Variants in SMARCA2 observed in about 807,000 individuals in gnomAD.
The protein encoded by SMARCA2 is SWI/SNF related BAF chromatin remodeling complex subunit ATPase 2, also known as SWI/SNF-related matrix-associated actin-dependent regulator of chromatin subfamily A member 2.
SMARCA2 carries 61 observed loss-of-function variants against 199.8 expected under a neutral mutation model. The observed-to-expected ratio is 0.31, with a 90% CI of 0.25 to 0.38. The LOEUF (loss-of-function observed/expected upper bound fraction) is 0.38, where lower values mean the gene tolerates loss of function less well. Ranked by LOEUF, SMARCA2 falls within the 10% of genes least tolerant of loss-of-function variation. The probability of loss-of-function intolerance (pLI) is 1.00; values close to 1 mark genes in which losing one functional copy is unlikely to be tolerated. For synonymous variants in SMARCA2, 935 were observed against 732.0 expected, an observed-to-expected ratio of 1.28 and a Z score of -4.48; for missense variants, 1,344 against 2,012.2, an observed-to-expected ratio of 0.67 and a Z score of 6.35.
chr9:2,128,520 C>G (rs1280993831), intron 27 of SMARCA2, among the ~76,000 whole-genome samples: 1 of 152,194 alleles, frequency 6.6e-6, no homozygotes, highest in Non-Finnish European at 1.5e-5. Context: ...GAAACTGGCC[C>G]CTTCCTCAGC....
chr9:2,023,476 T>C (rs1194646320), intron 1 of SMARCA2, among the ~76,000 whole-genome samples: 2 of 152,208 alleles, frequency 1.3e-5, no homozygotes, highest in Non-Finnish European at 2.9e-5. Flanking sequence ...CCAAGAATGC[T>C]GAAGAAATGT....
chr9:2,087,134 G>C (rs1586690899), intron 18 of SMARCA2, 63 bp downstream of exon 18: 1 of 1,595,018 alleles, frequency 6.3e-7, no homozygotes, highest in African/African-American at 1.3e-5. Context: ...AGGCCCTAAA[G>C]CTGAGAACAT....
At chr9:2,034,721 A>T (rs956413659) in intron 3 of SMARCA2, among the ~76,000 whole-genome samples, 3 of 152,198 alleles carry the variant, frequency 2.0e-5, no homozygotes, top group Non-Finnish European at 2.9e-5. Flanking sequence ...TGAAATATAA[A>T]TAGGCAAGTC....
chr9:2,047,474 C>T lies in SMARCA2; in HGVS notation c.1036C>T (p.Arg346Trp). ...GGACCCCGTGGAAATTCTGCAAGAG[C>T]GGGAATACAGGTAACGCACCCCGCC... ...GLDPVEILQE[R>W]EYRLQARIAH... The change falls in exon 5 of 34, where the codon CGG (arginine) becomes TGG (tryptophan). Residue 346 changes from arginine to tryptophan, a missense_variant. Arg to Trp is a moderately radical substitution (Grantham distance 101). Transcript: ENST00000349721. 1 of 1,523,134 alleles carries T rather than the reference C, an allele frequency of 6.6e-7. No homozygotes were observed. Among genetic ancestry groups the T allele is most frequent in the Admixed American group, 2.2e-5 (1 of 46,366 alleles). The allele number at this position is 1,523,134 out of a possible 1,614,324, so 94.4% of individuals were successfully genotyped here.
At chr9:2,174,873 C>T (rs949343824) in intron 29 of SMARCA2, among the ~76,000 whole-genome samples, 16 of 135,558 alleles carry the variant, frequency 1.2e-4, no homozygotes, top group East Asian at 4.4e-4. Flanking sequence ...TGCAGTGAGC[C>T]CTGATCGTGC....
chr9:2,187,423 G>A (rs1356670713), intron 32 of SMARCA2, among the ~76,000 whole-genome samples: 1 of 152,086 alleles, frequency 6.6e-6, no homozygotes, highest in African/African-American at 2.4e-5. Flanking sequence ...TATAATCCGA[G>A]CACTCTGGGA....
rs1367486879 is a variant in SMARCA2 at position 2,073,350 on chromosome 9, A to G, written c.1877+8A>G. On this transcript the variant is annotated splice_region_variant and intron_variant, in intron 11 of 33. Transcript: ENST00000349721. ...GCTGGAAATGAATCCTGGGTAAGGCATGAAAGCAGCGTTCATGGTGTTCTT... is the reference window on the plus strand; with the variant it reads ...GCTGGAAATGAATCCTGGGTAAGGCGTGAAAGCAGCGTTCATGGTGTTCTT... 34 of 1,614,036 alleles carry G rather than the reference A, an allele frequency of 2.1e-5. No homozygotes were observed. Among genetic ancestry groups the G allele is most frequent in the Non-Finnish European group, 2.8e-5 (33 of 1,180,022 alleles).
At chr9:2,130,826 C>G (rs897341611) in intron 27 of SMARCA2, among the ~76,000 whole-genome samples, 1 of 152,152 alleles carries the variant, frequency 6.6e-6, no homozygotes, top group Non-Finnish European at 1.5e-5. Flanking sequence ...AGCAGGCATT[C>G]CATCTACCTA....
At chr9:2,080,599 C>A (rs116338761) in intron 14 of SMARCA2, among the ~76,000 whole-genome samples, 8 of 152,288 alleles carry the variant, frequency 5.3e-5, no homozygotes, top group African/African-American at 1.4e-4. Context: ...CCCCTCTTTC[C>A]CTCTATCTTT....
intron 1 of SMARCA2, among the ~76,000 whole-genome samples, chr9:2,021,670 A>G (rs1157681292): frequency 2.0e-5 from 3 of 152,242 alleles, no homozygotes; most frequent in African/African-American, 7.2e-5. Context: ...ATACTAAAAG[A>G]CCATTAAGCA....
rs1820569810 is a variant in SMARCA2, at chr9:2,061,051, G to C, written c.1692+65G>C. The C allele has an allele frequency of 6.1e-6, 9 of 1,467,504 alleles. 1 individual carries two copies. The East Asian group carries it at 2.1e-4, about 34-fold the overall frequency. 90.9% of individuals were successfully genotyped at this position (1,467,504 alleles called of 1,614,324 possible). ...GGGCAGGGATAAGTTTTTAAGGCGA[G>C]TATTGCTCTTTAAGTACTACTTCTT... On this transcript the variant is annotated intron_variant, in intron 9 of 33. Coordinates refer to ENST00000349721, the MANE Select transcript of SMARCA2 (RefSeq NM_003070.5).
chr9:2,110,398 G>A lies in SMARCA2; in HGVS notation c.3437G>A (p.Ser1146Asn). Residue 1146 changes from serine to asparagine, a missense_variant, in exon 24 of 34, where the codon AGC becomes AAC. Physicochemically the swap from Ser to Asn is conservative, Grantham distance 46 (BLOSUM62 1). Transcript: ENST00000349721. The surrounding 1 kb of genome is among the most constrained non-coding windows in gnomAD (Gnocchi z 4.8). ...QAADTVVIFD[S>N]DWNPHQDLQA... ...GCTGATACAGTGGTCATCTTTGACA[G>A]CGACTGGAATCCTCATCAGGTCTGC... 1 of 1,611,072 alleles carries A rather than the reference G, an allele frequency of 6.2e-7. No homozygotes were observed. Among genetic ancestry groups the A allele is most frequent in the Non-Finnish European group, 8.5e-7 (1 of 1,178,800 alleles).
rs781490181 is a variant in SMARCA2, at chr9:2,096,728, G to C, written c.2955G>C (p.Gly985=). The C allele has an allele frequency of 4.3e-6, 7 of 1,613,514 alleles. No homozygotes were observed. The Admixed American group carries it at 6.7e-5, about 15-fold the overall frequency. ...KILYRHMQAK[G]ILLTDGSEKD... is the part of the protein sequence containing the mutation. ...TGTATCGCCATATGCAAGCCAAGGG[G>C]ATCCTTCTCACAGATGGTTCTGAGA... The change falls in exon 20 of 34, where the codon GGG becomes GGC. Residue 985 remains glycine, a synonymous_variant. Transcript: ENST00000349721.
At chr9:2,019,274 G>T (rs532544369) in intron 1 of SMARCA2, among the ~76,000 whole-genome samples, 6 of 152,234 alleles carry the variant, frequency 3.9e-5, no homozygotes, top group African/African-American at 1.4e-4. Flanking sequence ...TGAGGGGAGG[G>T]AGGGCTTCCT....
At chr9:2,142,844 GCT>G (rs1214255772) in intron 27 of SMARCA2, among the ~76,000 whole-genome samples, 1 of 152,080 alleles carries the variant, frequency 6.6e-6, no homozygotes, top group Non-Finnish European at 1.5e-5. Context: ...TCCCTAGCAA[GCT>G]CTGTCATCCT....
intron 22 of SMARCA2, among the ~76,000 whole-genome samples, chr9:2,102,689 G>A (rs986994254): frequency 2.0e-5 from 3 of 152,104 alleles, no homozygotes; most frequent in African/African-American, 7.2e-5. Context: ...TACTCCCAAC[G>A]TGTTTTTGAC....
rs747291340 is a variant in SMARCA2 at position 2,186,107 on chromosome 9, C to T, written c.4473C>T (p.Asp1491=). 1.2e-6 allele frequency: 2 copies of T among 1,614,020 alleles called. No individual in the cohort carries two copies. Among genetic ancestry groups the T allele is most frequent in the Admixed American group, 3.3e-5 (2 of 60,028 alleles). ...CTTTGACCATTTAGATCTATGAAGA[C>T]TCCATCGTCTTACAGTCAGTGTTTA... The part of the protein sequence containing the change: ...FNLEGSQIYE[D]SIVLQSVFKS... The change falls in exon 32 of 34, where the codon GAC becomes GAT. Residue 1491 remains aspartate, a synonymous_variant. Coordinates refer to ENST00000349721, the MANE Select transcript of SMARCA2 (RefSeq NM_003070.5).
intron 27 of SMARCA2, chr9:2,160,247 A>G: frequency 2.5e-6 from 1 of 397,724 alleles, no homozygotes; most frequent in Non-Finnish European, 4.5e-6. Context: ...TTTCCTCATA[A>G]CTCATCAGAT....
intron 19 of SMARCA2, among the ~76,000 whole-genome samples, chr9:2,089,763 G>T (rs547656234): frequency 6.6e-6 from 1 of 152,272 alleles, no homozygotes; most frequent in South Asian, 2.1e-4. Flanking sequence ...ATGGAGTTTA[G>T]TTACTGAGTA....
Sources: gnomAD v4.1 joint callset for allele counts (sites outside exome capture counted in the v4.1 genomes callset) on GRCh38, gnomAD v4.1.1 for gene constraint, Gnocchi (gnomAD v3.1) non-coding constraint, MANE v1.5 for transcripts, NCBI Gene and HGNC (gene_info 2026-07-23, HGNC 2026-07-21) for gene names.